The following A2ML1 variants were observed in gnomAD, a reference collection of about 807,000 sequenced individuals.
The protein encoded by A2ML1 is alpha-2-macroglobulin-like protein 1.
In A2ML1, 161 loss-of-function variants were observed where a neutral mutation model predicts 181.9. The observed-to-expected ratio is 0.89, with a 90% CI of 0.78 to 1.01. The LOEUF (loss-of-function observed/expected upper bound fraction) is 1.01, where lower values mean the gene tolerates loss of function less well. Among genes scored for constraint, A2ML1 ranks in the 50% least tolerant of loss-of-function variants. A2ML1 has a pLI of 0.00. For synonymous variants in A2ML1, 663 were observed against 666.8 expected (o/e 0.99, Z 0.09); for missense variants, 1,670 against 1,768.1 (o/e 0.94, Z 1.00).
chr12:8,841,263 G>T, intron 10 of A2ML1, 106 bp from the exon 11 acceptor site: 3 of 989,254 alleles, frequency 3.0e-6, no homozygotes, highest in Non-Finnish European at 3.0e-6. Context: ...ATTACTTTTA[G>T]TGCCAAAAAC....
chr12:8,842,278 C>T (rs1020717494), intron 11 of A2ML1, among the ~76,000 whole-genome samples: 24 of 150,698 alleles, frequency 1.6e-4, no homozygotes, highest in Non-Finnish European at 2.2e-4. Context: ...AGTGCAGTGG[C>T]GTGATCTCGG....
chr12:8,881,132 A>T (rs1592169278), downstream of A2ML1, among the ~76,000 whole-genome samples: 1 of 152,358 alleles, frequency 6.6e-6, no homozygotes, highest in Non-Finnish European at 1.5e-5. Flanking sequence ...GATTACATAC[A>T]GGAGAAAAAC....
chr12:8,837,709 G>A (rs1162445749), intron 8 of A2ML1, 143 bp downstream of exon 8: 33 of 901,478 alleles, frequency 3.7e-5, no homozygotes, highest in Non-Finnish European at 4.7e-5. Context: ...GGGAAACCCC[G>A]TCTCTATTAA....
At chr12:8,860,688 T>A (rs1400222815) in intron 26 of A2ML1, among the ~76,000 whole-genome samples, 193 bp from the exon 27 acceptor site, 2 of 152,154 alleles carry the variant, frequency 1.3e-5, no homozygotes, top group African/African-American at 4.8e-5. Flanking sequence ...AGTTATGAAG[T>A]CCAAACTGTT....
intron 33 of A2ML1, among the ~76,000 whole-genome samples, chr12:8,870,891 C>G (rs1341650237): frequency 6.6e-6 from 1 of 152,156 alleles, no homozygotes; most frequent in Non-Finnish European, 1.5e-5. Context: ...TTTGAGTTAA[C>G]AGGCCTAATG....
chr12:8,834,821 A>C, intron 5 of A2ML1, 139 bp downstream of exon 5: 1 of 970,538 alleles, frequency 1.0e-6, no homozygotes, highest in Non-Finnish European at 1.6e-6. Context: ...GAGCGCCCAC[A>C]TCCACCTAAG....
intron 13 of A2ML1, among the ~76,000 whole-genome samples, chr12:8,845,730 G>A (rs1348417454): frequency 3.3e-5 from 5 of 151,732 alleles, no homozygotes; most frequent in Non-Finnish European, 7.4e-5. Context: ...GGCCCCTGTA[G>A]TCCCAGCTAC....
chr12:8,853,259 T>C (rs1191550606), intron 20 of A2ML1, among the ~76,000 whole-genome samples: 1 of 152,196 alleles, frequency 6.6e-6, no homozygotes, highest in Non-Finnish European at 1.5e-5. Context: ...TCCAAAGTAC[T>C]GGGATTACAA....
At chr12:8,829,276 T>G (rs1943032806) in intron 3 of A2ML1, among the ~76,000 whole-genome samples, 1 of 152,196 alleles carries the variant, frequency 6.6e-6, no homozygotes, top group South Asian at 2.1e-4. Context: ...GACTTTACCT[T>G]ACTCTCAGAG....
rs75676135 is a variant in A2ML1, at chr12:8,843,369, C to T, written c.1476+8C>T. 2,695 of 1,611,080 alleles carry T rather than the reference C, an allele frequency of 1.7e-3. 41 individuals are homozygous for T. In the African/African-American group the frequency reaches 0.031, roughly 18 times the overall value. ...ATCAGCTTCTCCTACTATGTGAGAC[C>T]GGGAAACGGGGACGGGTGAGAGTAT... On this transcript the variant is annotated splice_region_variant and intron_variant, in intron 12 of 35. Coordinates refer to ENST00000299698, the MANE Select transcript of A2ML1 (RefSeq NM_144670.6).
At position 8,841,483 on chromosome 12, in the gene A2ML1, G is replaced by T; in HGVS notation, c.1195G>T (p.Ala399Ser). The change falls in exon 11 of 36, where the codon GCT becomes TCT. Residue 399 changes from alanine to serine, a missense_variant. Ala to Ser is a moderately conservative substitution (Grantham distance 99). Transcript: ENST00000299698. ...QTLVTDNNGL[A>S]PFTLETSGWN... The stretch of plus-strand genomic sequence containing the variant: ...CCTGGTTACTGATAACAATGGCCTA[G>T]CTCCCTTTACCTTGGAGACATCCGG... 6.2e-7 allele frequency: 1 copy of T among 1,614,140 alleles called. No individual in the cohort carries two copies. The highest frequency in any genetic ancestry group is 1.3e-5 in the African/African-American group (1 of 75,020).
chr12:8,849,907 A>G (rs902459922), intron 17 of A2ML1, 148 bp downstream of exon 17: 2 of 763,472 alleles, frequency 2.6e-6, no homozygotes, highest in Admixed American at 5.6e-5. Flanking sequence ...CAGTTTCCCA[A>G]GTGTTCTCTC....
At chr12:8,856,709 A>C (rs1944074391) in intron 23 of A2ML1, among the ~76,000 whole-genome samples, 1 of 152,160 alleles carries the variant, frequency 6.6e-6, no homozygotes, top group Non-Finnish European at 1.5e-5. Flanking sequence ...TCTCTTAGAT[A>C]GCTTATGTGC....
At chr12:8,826,875 T>G (rs1187457970) in intron 3 of A2ML1, among the ~76,000 whole-genome samples, 2 of 151,530 alleles carry the variant, frequency 1.3e-5, no homozygotes, top group Non-Finnish European at 2.9e-5. Context: ...CCACTCAGCC[T>G]CCCAAAGTGC....
intron 7 of A2ML1, among the ~76,000 whole-genome samples, chr12:8,836,552 C>T (rs931491213): frequency 8.1e-5 from 12 of 148,484 alleles, no homozygotes; most frequent in East Asian, 2.0e-4. Flanking sequence ...CACGTGATCT[C>T]GGCTCACTGC....
chr12:8,868,584 A>G lies in A2ML1; in HGVS notation c.4109A>G (p.Lys1370Arg). The change falls in exon 32 of 36, where the codon AAG becomes AGG. Residue 1370 changes from lysine (K) to arginine (R), a missense_variant. Coordinates refer to ENST00000299698, the MANE Select transcript of A2ML1 (RefSeq NM_144670.6). Reference sequence around the variant, plus strand: ...TCCAATATGGCTATTGTGGAAGTGAAGATGCTATCTGGGTTCAGTCCCATG... The same window carrying G: ...TCCAATATGGCTATTGTGGAAGTGAGGATGCTATCTGGGTTCAGTCCCATG... The part of the protein sequence containing the change: ...SSSNMAIVEV[K>R]MLSGFSPMEG... 1 of 1,613,970 alleles carries G rather than the reference A, an allele frequency of 6.2e-7. No individual in the cohort carries two copies.
intron 1 of A2ML1, 115 bp downstream of exon 1, chr12:8,822,828 C>G (rs1442289934): frequency 7.5e-6 from 7 of 939,378 alleles, no homozygotes; most frequent in Non-Finnish European, 1.2e-5. Context: ...ATTTCCTCCT[C>G]CTTTTTTCTC....
At chr12:8,869,657 A>G (rs894944826) in intron 33 of A2ML1, among the ~76,000 whole-genome samples, 2 of 151,704 alleles carry the variant, frequency 1.3e-5, no homozygotes, top group African/African-American at 4.9e-5. Flanking sequence ...GACTGACCTC[A>G]TTTCAAGTGC....
chr12:8,852,390 G>A lies in A2ML1; in HGVS notation c.2590+54G>A. On this transcript the variant is annotated intron_variant, in intron 20 of 35. Coordinates refer to ENST00000299698, the MANE Select transcript of A2ML1 (RefSeq NM_144670.6). The surrounding 1 kb of genome is among the most constrained non-coding windows in gnomAD (Gnocchi z 4.2). ...GGAAAGCCAGCAGCAGAAGACCAGT[G>A]ACTGAGCACTCAGTCTTTTCCTCTG... is the stretch of plus-strand genomic sequence containing the variant. 1 of 1,607,244 alleles carries A rather than the reference G, an allele frequency of 6.2e-7. No homozygotes were observed. Among genetic ancestry groups the A allele is most frequent in the Non-Finnish European group, 8.5e-7 (1 of 1,176,406 alleles).
Sources: gnomAD v4.1 joint callset for allele counts (sites outside exome capture counted in the v4.1 genomes callset) on GRCh38, gnomAD v4.1.1 for gene constraint, Gnocchi (gnomAD v3.1) non-coding constraint, MANE v1.5 for transcripts, NCBI Gene and HGNC (gene_info 2026-07-23, HGNC 2026-07-21) for gene names.